VNN2: variants seen among roughly 807,000 people sequenced by gnomAD.
VNN2 encodes the protein pantetheine hydrolase VNN2.
VNN2 carries 43 observed loss-of-function variants against 43.0 expected under a neutral mutation model. The observed-to-expected ratio is 1.00, with a 90% CI of 0.78 to 1.29. The LOEUF (loss-of-function observed/expected upper bound fraction) is 1.29. Among genes scored for constraint, VNN2 ranks in the 50% most tolerant of loss-of-function variants. The pLI, the probability that VNN2 is intolerant of heterozygous loss-of-function variation, is 0.00. For missense variants in VNN2, 652 were observed against 619.7 expected (o/e 1.05, Z -0.55); for synonymous variants, 230 against 224.3 (o/e 1.03, Z -0.23).
At chr6:132,744,949 G>A (rs36031989) in intron 6 of VNN2, among the ~76,000 whole-genome samples, 7,718 of 152,136 alleles carry the variant, frequency 0.051, 237 homozygotes, top group East Asian at 0.13. Flanking sequence ...TCTGTTTCAC[G>A]GAGTGGGACA....
Position 132,744,205 on chromosome 6 carries a change from GA to G in VNN2, c.*94del. On this transcript the variant is annotated 3_prime_UTR_variant, in exon 7 of 7. Transcript: ENST00000326499. ...TTAGGACTCACTGGTCTATACTACT[GA>G]AATAGCCCTTCAAAGTTTCTTAGTA... 8.7e-7 allele frequency: 1 copy of G among 1,153,730 alleles called. No homozygotes were observed. The highest frequency in any genetic ancestry group is 1.2e-6 in the Non-Finnish European group (1 of 808,676). The allele number at this position is 1,153,730 out of a possible 1,614,324, so 71.5% of individuals were successfully genotyped here.
At chr6:132,761,354 A>AT (rs1177838270), upstream of VNN2, among the ~76,000 whole-genome samples, 615 of 144,166 alleles carry the variant, frequency 4.3e-3, 7 homozygotes, top group African/African-American at 0.016. Context: ...AAGAGTCACC[A>AT]TAAAAAAAAA....
Position 132,757,442 on chromosome 6 carries a change from G to A in VNN2, c.318C>T (p.Asn106=), listed in dbSNP as rs754317750. 203 of 1,611,252 alleles carry A rather than the reference G, an allele frequency of 1.3e-4. No homozygotes were observed. The highest frequency in any genetic ancestry group is 1.7e-4 in the Non-Finnish European group (199 of 1,179,272). Residue 106 remains asparagine (N), a synonymous_variant, in exon 2 of 7, where the codon AAC becomes AAT. Coordinates refer to ENST00000326499, the MANE Select transcript of VNN2 (RefSeq NM_004665.6). The part of the protein sequence containing the change: ...YLEDIPDPQV[N]WIPCQDPHRF... Reference sequence around the variant, plus strand: ...TGTGGGGGTCTTGACACGGAATCCAGTTCACCTGAGGGTCTGGGATATCCT... The same window carrying A: ...TGTGGGGGTCTTGACACGGAATCCAATTCACCTGAGGGTCTGGGATATCCT...
At chr6:132,759,354 G>A (rs147835664), upstream of VNN2, among the ~76,000 whole-genome samples, 19 of 148,506 alleles carry the variant, frequency 1.3e-4, no homozygotes, top group Non-Finnish European at 2.1e-4. Flanking sequence ...CAGGAGAATC[G>A]CTGGAACCCA....
chr6:132,757,169 T>C (rs1780524942), intron 2 of VNN2, among the ~76,000 whole-genome samples: 1 of 152,196 alleles, frequency 6.6e-6, no homozygotes, highest in African/African-American at 2.4e-5. Context: ...TGAGATCTCT[T>C]CCCTTAGTTT....
intron 2 of VNN2, among the ~76,000 whole-genome samples, chr6:132,756,672 T>C (rs772194311): frequency 3.9e-5 from 6 of 152,232 alleles, no homozygotes; most frequent in Non-Finnish European, 8.8e-5. Context: ...ACTCTTCTGC[T>C]GATTCCTCGT....
At chr6:132,760,332 G>A (rs1780710869), upstream of VNN2, among the ~76,000 whole-genome samples, 1 of 152,038 alleles carries the variant, frequency 6.6e-6, no homozygotes, top group African/African-American at 2.4e-5. Context: ...GCACCAACAT[G>A]TCAGGCTAAT....
chr6:132,758,654 A>AT (rs1562254752), upstream of VNN2, among the ~76,000 whole-genome samples: 8 of 151,882 alleles, frequency 5.3e-5, no homozygotes, highest in Non-Finnish European at 8.8e-5. Flanking sequence ...TTATTTTTAG[A>AT]CGGGGGGGAA....
rs34100251 is a variant in VNN2 at position 132,757,608 on chromosome 6, C to G, written c.214-62G>C. 9,784 of 1,607,478 alleles carry G rather than the reference C, an allele frequency of 6.1e-3. 43 individuals are homozygous for G. Among genetic ancestry groups the G allele is most frequent in the Non-Finnish European group, 7.4e-3 (8,710 of 1,175,354 alleles). ...TGTACAACACAGACAATTCAGCTCT[C>G]TCGTCTTCCACCAGCTCCCATGCCC... On this transcript the variant is annotated intron_variant, in intron 1 of 6. Coordinates refer to ENST00000326499, the MANE Select transcript of VNN2 (RefSeq NM_004665.6).
chr6:132,759,455 A>C (rs1007183298), upstream of VNN2, among the ~76,000 whole-genome samples: 10 of 150,060 alleles, frequency 6.7e-5, no homozygotes, highest in East Asian at 1.4e-3. Context: ...AAAAAAAAAA[A>C]AAAAAACAAT....
At chr6:132,745,443 T>G (rs34045817) in intron 6 of VNN2, among the ~76,000 whole-genome samples, 8,719 of 152,270 alleles carry the variant, frequency 0.057, 296 homozygotes, top group East Asian at 0.13. Flanking sequence ...CTCGAACTCC[T>G]GGCCTCAAAT....
chr6:132,758,373 T>C (rs1473759427), upstream of VNN2, among the ~76,000 whole-genome samples: 1 of 152,118 alleles, frequency 6.6e-6, no homozygotes, highest in Non-Finnish European at 1.5e-5. Flanking sequence ...GCAATATATC[T>C]GACCACTTTT....
chr6:132,758,976 A>ACTT (rs956435035), upstream of VNN2, among the ~76,000 whole-genome samples: 5 of 135,790 alleles, frequency 3.7e-5, no homozygotes, highest in African/African-American at 1.2e-4. Flanking sequence ...TTCTCCTCCT[A>ACTT]CTCCTTCTCC....
upstream of VNN2, among the ~76,000 whole-genome samples, chr6:132,758,702 G>A (rs1223265742): frequency 1.3e-5 from 2 of 151,954 alleles, no homozygotes; most frequent in South Asian, 2.1e-4. Flanking sequence ...TGTAACACAG[G>A]ACAATATTGA....
intron 3 of VNN2, among the ~76,000 whole-genome samples, chr6:132,755,268 T>G (rs1780383438): frequency 1.3e-5 from 2 of 149,382 alleles, no homozygotes; most frequent in African/African-American, 5.0e-5. Context: ...AAAAAGTTTA[T>G]CTCAATCCTG....
At position 132,757,449 on chromosome 6, in the gene VNN2, T is replaced by C. The variant is rs1174578550; in HGVS notation, c.311A>G (p.Gln104Arg). The C allele has an allele frequency of 1.2e-6, 2 of 1,612,956 alleles. No homozygotes were observed. The highest frequency in any genetic ancestry group is 1.1e-5 in the South Asian group (1 of 90,740). ...GTCTTGACACGGAATCCAGTTCACC[T>C]GAGGGTCTGGGATATCCTCCAGATA... ...FPYLEDIPDP[Q>R]VNWIPCQDPH... The change falls in exon 2 of 7, where the codon CAG becomes CGG. Residue 104 changes from glutamine to arginine, a missense_variant. By Grantham distance (43) the Gln-to-Arg change is conservative. Transcript: ENST00000326499.
Position 132,752,738 on chromosome 6 carries a change from G to A in VNN2, c.549C>T (p.Tyr183=), listed in dbSNP as rs752773464. 1 of 1,613,278 alleles carries A rather than the reference G, an allele frequency of 6.2e-7. No individual in the cohort carries two copies. Among genetic ancestry groups the A allele is most frequent in the Non-Finnish European group, 8.5e-7 (1 of 1,179,580 alleles). The stretch of plus-strand genomic sequence containing the variant: ...CAGGGACATTAAACTGAGGCTCAGA[G>A]TACAGGTGGTACTACAACAAATGGA... ...LVARYHKYHL[Y]SEPQFNVPEK... The change falls in exon 4 of 7, where the codon TAC becomes TAT. Residue 183 remains tyrosine, a synonymous_variant. Transcript: ENST00000326499.
Sources: allele counts gnomAD v4.1 joint callset (sites outside exome capture counted in the v4.1 genomes callset), GRCh38; gene constraint gnomAD v4.1.1; transcripts MANE v1.5; gene names NCBI Gene and HGNC (gene_info 2026-07-23, HGNC 2026-07-21).